TANGO6: variants seen among roughly 807,000 people sequenced by gnomAD.
TANGO6 encodes transport and golgi organization 6 homolog, also known as transport and Golgi organization protein 6 homolog.
TANGO6 carries 90 observed loss-of-function variants against 114.2 expected under a neutral mutation model. The observed-to-expected ratio is 0.79, with a 90% CI of 0.66 to 0.94. The LOEUF (loss-of-function observed/expected upper bound fraction) is 0.94, where lower values mean the gene tolerates loss of function less well. Among genes scored for constraint, TANGO6 ranks in the 40% least tolerant of loss-of-function variants. The pLI is 0.00. For missense variants in TANGO6, 1,274 were observed against 1,315.3 expected, an observed-to-expected ratio of 0.97 and a Z score of 0.49; for synonymous variants, 477 against 509.8, an observed-to-expected ratio of 0.94 and a Z score of 0.87.
intron 4 of TANGO6, among the ~76,000 whole-genome samples, chr16:68,870,010 TG>T (rs1192555139): frequency 2.0e-5 from 3 of 152,130 alleles, no homozygotes; most frequent in African/African-American, 7.2e-5. Flanking sequence ...CTGAGGGAGA[TG>T]CGAAACGATT....
chr16:68,965,483 A>G (rs74248496), intron 14 of TANGO6, among the ~76,000 whole-genome samples: 4 of 152,120 alleles, frequency 2.6e-5, no homozygotes, highest in African/African-American at 9.7e-5. Flanking sequence ...AAGATATGCT[A>G]TATTATTTTC....
chr16:68,930,176 G>C (rs2152197353), intron 13 of TANGO6, 62 bp from the exon 14 acceptor site: 1 of 1,405,778 alleles, frequency 7.1e-7, no homozygotes, highest in Middle Eastern at 2.3e-4. Context: ...GCTGATAAGG[G>C]AGCCTCTTAA....
chr16:68,994,859 A>G (rs1448431771), intron 15 of TANGO6, among the ~76,000 whole-genome samples: 1 of 152,142 alleles, frequency 6.6e-6, no homozygotes. Context: ...TGTTGGGATT[A>G]CAGGAATAAG....
chr16:69,036,445 G>A (rs1361083611), intron 16 of TANGO6, among the ~76,000 whole-genome samples: 1 of 152,148 alleles, frequency 6.6e-6, no homozygotes, highest in Non-Finnish European at 1.5e-5. Flanking sequence ...ACATGATTTG[G>A]TCCTGGTGAC....
chr16:68,898,284 TA>T (rs1962734879), intron 7 of TANGO6, among the ~76,000 whole-genome samples: 1 of 152,134 alleles, frequency 6.6e-6, no homozygotes, highest in Non-Finnish European at 1.5e-5. Flanking sequence ...GCTCCTTGGC[TA>T]ACAGGCTCCA....
intron 17 of TANGO6, among the ~76,000 whole-genome samples, chr16:69,047,313 G>T (rs1023069376): frequency 2.0e-5 from 3 of 152,078 alleles, no homozygotes; most frequent in Admixed American, 6.6e-5. Flanking sequence ...TGGCCAACAT[G>T]GCGAAACCCT....
intron 15 of TANGO6, among the ~76,000 whole-genome samples, chr16:69,022,034 C>G (rs780598121): frequency 2.6e-5 from 4 of 151,532 alleles, no homozygotes; most frequent in Admixed American, 1.3e-4. Flanking sequence ...TACAGGCGCC[C>G]GCCACCACGC....
chr16:68,894,696 G>T (rs190209793), intron 7 of TANGO6, among the ~76,000 whole-genome samples: 25 of 152,120 alleles, frequency 1.6e-4, no homozygotes, highest in African/African-American at 3.6e-4. Flanking sequence ...GAGGCCAGGG[G>T]TATGTGTTTG....
intron 11 of TANGO6, among the ~76,000 whole-genome samples, chr16:68,914,998 C>CACAT (rs1346200203): frequency 7.0e-6 from 1 of 142,026 alleles, no homozygotes; most frequent in Non-Finnish European, 1.5e-5. Flanking sequence ...CACACACACA[C>CACAT]ACATATAGAT....
In TANGO6 at chr16:68,919,070, C is replaced by G; in HGVS notation, c.1993-15C>G. 6.3e-7 allele frequency: 1 copy of G among 1,596,900 alleles called. No individual in the cohort carries two copies. Among genetic ancestry groups the G allele is most frequent in the Non-Finnish European group, 8.5e-7 (1 of 1,171,150 alleles). The stretch of plus-strand genomic sequence containing the variant: ...TTTCATTCCTCATTGATTCTCAATT[C>G]CCTTTTTTGGGTAGGTGGTGGACTT... On this transcript the variant is annotated splice_polypyrimidine_tract_variant and intron_variant, in intron 11 of 17. Coordinates refer to ENST00000261778, the MANE Select transcript of TANGO6 (RefSeq NM_024562.2).
chr16:69,078,405 G>A (rs1415567169), intron 17 of TANGO6, among the ~76,000 whole-genome samples: 1 of 152,194 alleles, frequency 6.6e-6, no homozygotes, highest in Non-Finnish European at 1.5e-5. Flanking sequence ...TCTACTTGGT[G>A]GAATGCTCAG....
At chr16:69,051,361 T>A (rs1486109615) in intron 17 of TANGO6, among the ~76,000 whole-genome samples, 1 of 151,942 alleles carries the variant, frequency 6.6e-6, no homozygotes, top group Non-Finnish European at 1.5e-5. Flanking sequence ...CTGGCCAACA[T>A]GATGAAACCC....
At position 69,059,259 on chromosome 16, in the gene TANGO6, TG is replaced by T. The variant is rs531681068; in HGVS notation, c.3108+18843del. On this transcript the variant is annotated intron_variant, in intron 17 of 17. Transcript: ENST00000261778. ...TAATTTTTTGTATTTTTAGTAGAGATGGGGGTCTCACCATATTGGCCAGGCT... is the reference window on the plus strand; with the variant it reads ...TAATTTTTTGTATTTTTAGTAGAGATGGGGTCTCACCATATTGGCCAGGCT... Among the ~76,000 whole-genome samples, 22 of 151,726 alleles carry T rather than the reference TG, an allele frequency of 1.4e-4. 1 individual carries two copies. The East Asian group carries it at 4.3e-3, about 30-fold the overall frequency.
At chr16:69,081,571 C>G (rs1960466000) in intron 17 of TANGO6, among the ~76,000 whole-genome samples, 1 of 151,600 alleles carries the variant, frequency 6.6e-6, no homozygotes, top group Non-Finnish European at 1.5e-5. Context: ...AAACTCCTGA[C>G]CTCAAATGAT....
intron 17 of TANGO6, among the ~76,000 whole-genome samples, chr16:69,061,511 C>T (rs1567568416): frequency 6.6e-6 from 1 of 152,100 alleles, no homozygotes; most frequent in Admixed American, 6.6e-5. Context: ...CGAGATCGCG[C>T]CACCGCACTC....
At chr16:69,008,561 A>G (rs1337880175) in intron 15 of TANGO6, among the ~76,000 whole-genome samples, 2 of 151,970 alleles carry the variant, frequency 1.3e-5, no homozygotes, top group African/African-American at 2.4e-5. Flanking sequence ...ATGTTTTAAG[A>G]GTTTTACAAT....
chr16:69,022,397 A>T (rs1456629144), intron 15 of TANGO6, among the ~76,000 whole-genome samples: 2 of 152,148 alleles, frequency 1.3e-5, no homozygotes, highest in Non-Finnish European at 2.9e-5. Flanking sequence ...TGGTTATGCA[A>T]GTACTTTGAA....
At chr16:68,991,140 C>G (rs902240470) in intron 15 of TANGO6, among the ~76,000 whole-genome samples, 1 of 152,092 alleles carries the variant, frequency 6.6e-6, no homozygotes, top group Non-Finnish European at 1.5e-5. Flanking sequence ...TGTTGGGTAC[C>G]TTGGAGAAGA....
chr16:68,897,499 A>G (rs886897377), intron 7 of TANGO6, among the ~76,000 whole-genome samples: 1 of 152,156 alleles, frequency 6.6e-6, no homozygotes, highest in Admixed American at 6.5e-5. Flanking sequence ...TTATTTCCTA[A>G]ATTTTAGGCA....
Sources: gnomAD v4.1 joint callset for allele counts (sites outside exome capture counted in the v4.1 genomes callset) on GRCh38, gnomAD v4.1.1 for gene constraint, MANE v1.5 for transcripts, NCBI Gene and HGNC (gene_info 2026-07-23, HGNC 2026-07-21) for gene names.